FKTN: variants seen among roughly 807,000 people sequenced by gnomAD.
The protein encoded by FKTN is fukutin.
In FKTN, 47 loss-of-function variants were observed where a neutral mutation model predicts 58.6. The observed-to-expected ratio is 0.80, with a 90% CI of 0.63 to 1.02. The LOEUF is 1.02. Among genes scored for constraint, FKTN ranks in the 50% least tolerant of loss-of-function variants. FKTN has a pLI of 0.00. For synonymous variants in FKTN, 178 were observed against 191.9 expected (o/e 0.93, Z 0.60); for missense variants, 516 against 537.3 (o/e 0.96, Z 0.39).
At chr9:105,605,645 A>G (rs981399315) in intron 6 of FKTN, among the ~76,000 whole-genome samples, 4 of 152,142 alleles carry the variant, frequency 2.6e-5, no homozygotes, top group Non-Finnish European at 4.4e-5. Context: ...GCACAGAAAG[A>G]CAAACTTTCC....
intron 3 of FKTN, among the ~76,000 whole-genome samples, chr9:105,576,195 T>C (rs1278143123): frequency 2.0e-5 from 3 of 151,760 alleles, no homozygotes; most frequent in Admixed American, 6.6e-5. Flanking sequence ...ACTTTAAGTT[T>C]TAGGGTACAT....
chr9:105,634,993 G>T, intron 10 of FKTN, 58 bp from the exon 11 acceptor site: 5 of 1,374,358 alleles, frequency 3.6e-6, no homozygotes. Context: ...CTAGCAGCTA[G>T]ATTCCTTAGC....
In FKTN at chr9:105,635,392, G is replaced by C; in HGVS notation, c.*128G>C. Reference sequence around the variant, plus strand: ...AAAATGTGACAAGTTTGAAGACACAGAAAGAGTCATCTGATGTAATTCTCT... The same window carrying C: ...AAAATGTGACAAGTTTGAAGACACACAAAGAGTCATCTGATGTAATTCTCT... On this transcript the variant is annotated 3_prime_UTR_variant, in exon 11 of 11. Coordinates refer to ENST00000357998, the MANE Select transcript of FKTN (RefSeq NM_001079802.2). 6.6e-7 allele frequency: 1 copy of C among 1,517,810 alleles called. No individual in the cohort carries two copies. The highest frequency in any genetic ancestry group is 8.8e-7 in the Non-Finnish European group (1 of 1,135,964). 94.0% of individuals were successfully genotyped at this position (1,517,810 alleles called of 1,614,324 possible).
intron 3 of FKTN, among the ~76,000 whole-genome samples, chr9:105,593,592 G>T (rs763033802): frequency 3.9e-5 from 6 of 152,218 alleles, no homozygotes; most frequent in Non-Finnish European, 7.4e-5. Context: ...CTAAGGAAGT[G>T]AATATAGATT....
intron 1 of FKTN, among the ~76,000 whole-genome samples, chr9:105,565,517 G>A (rs1271059534): frequency 6.6e-6 from 1 of 152,054 alleles, no homozygotes; most frequent in Non-Finnish European, 1.5e-5. Flanking sequence ...TGATAAAACA[G>A]ACTTTAAACC....
intron 1 of FKTN, among the ~76,000 whole-genome samples, chr9:105,563,427 C>T (rs554745162): frequency 1.3e-5 from 2 of 152,298 alleles, no homozygotes; most frequent in East Asian, 1.9e-4. Context: ...ACAAATGGCA[C>T]CTGGAAAATC....
intron 3 of FKTN, among the ~76,000 whole-genome samples, chr9:105,585,091 T>C (rs1843672549): frequency 6.6e-6 from 1 of 151,830 alleles, no homozygotes; most frequent in African/African-American, 2.4e-5. Context: ...CTGTAAGGAA[T>C]ACAAGCAGTT....
intron 1 of FKTN, among the ~76,000 whole-genome samples, chr9:105,559,352 G>T (rs897844625): frequency 6.6e-6 from 1 of 152,184 alleles, no homozygotes; most frequent in Non-Finnish European, 1.5e-5. Flanking sequence ...CTTTCTTCTG[G>T]ACTGGGAGAG....
At chr9:105,574,691 T>A (rs1253560996) in intron 2 of FKTN, among the ~76,000 whole-genome samples, 1 of 152,192 alleles carries the variant, frequency 6.6e-6, no homozygotes, top group East Asian at 1.9e-4. Flanking sequence ...AAAGCACCTC[T>A]CAACCTTGTT....
At chr9:105,627,159 A>T (rs536827151) in intron 10 of FKTN, among the ~76,000 whole-genome samples, 6 of 151,954 alleles carry the variant, frequency 3.9e-5, no homozygotes, top group African/African-American at 1.4e-4. Context: ...TTTAGTAGAG[A>T]TGGGGTTTCA....
intron 1 of FKTN, among the ~76,000 whole-genome samples, chr9:105,558,691 T>C (rs1456053136): frequency 4.0e-5 from 6 of 150,336 alleles, no homozygotes; most frequent in African/African-American, 1.2e-4. Flanking sequence ...CTTTTGAAGA[T>C]AGCACGTTTC....
intron 3 of FKTN, among the ~76,000 whole-genome samples, chr9:105,592,048 T>C (rs1479281755): frequency 1.3e-5 from 2 of 152,284 alleles, no homozygotes; most frequent in Admixed American, 1.3e-4. Context: ...CAAACTATTC[T>C]TCCCTCCTAC....
intron 1 of FKTN, among the ~76,000 whole-genome samples, chr9:105,572,404 G>T (rs909210803): frequency 2.6e-5 from 4 of 152,302 alleles, no homozygotes; most frequent in African/African-American, 9.6e-5. Flanking sequence ...GAGAGAAAGA[G>T]ATGTAATTAC....
chr9:105,618,717 A>T (rs1831273439), intron 9 of FKTN, among the ~76,000 whole-genome samples: 1 of 152,182 alleles, frequency 6.6e-6, no homozygotes, highest in South Asian at 2.1e-4. Flanking sequence ...ATCTCTTGCA[A>T]TCATCTTGTT....
intron 1 of FKTN, among the ~76,000 whole-genome samples, chr9:105,567,778 T>A (rs893519194): frequency 6.6e-6 from 1 of 152,152 alleles, no homozygotes; most frequent in Non-Finnish European, 1.5e-5. Flanking sequence ...CTTCACAGAA[T>A]TGGAAAAAAC....
At chr9:105,631,640 T>C (rs1440517076) in intron 10 of FKTN, among the ~76,000 whole-genome samples, 3 of 151,842 alleles carry the variant, frequency 2.0e-5, no homozygotes, top group Non-Finnish European at 2.9e-5. Flanking sequence ...AAAAAGACAT[T>C]TATGCAGCCA....
At position 105,607,967 on chromosome 9, in the gene FKTN, A is replaced by G. The variant is rs1410291152; in HGVS notation, c.780+16A>G. 2 of 1,604,384 alleles carry G rather than the reference A, an allele frequency of 1.2e-6. No individual in the cohort carries two copies. The highest frequency in any genetic ancestry group is 1.1e-5 in the South Asian group (1 of 90,872). On this transcript the variant is annotated intron_variant, in intron 7 of 10. Transcript: ENST00000357998. ...ATTCTTTCAGGTTAGAGACAACCAA[A>G]TGTGTACTTTTAAATTAAAGAAAAT...
At chr9:105,616,612 A>T (rs1174493367) in intron 8 of FKTN, among the ~76,000 whole-genome samples, 1 of 152,166 alleles carries the variant, frequency 6.6e-6, no homozygotes, top group East Asian at 1.9e-4. Context: ...TCTCTTGATT[A>T]TCATGATAGT....
intron 3 of FKTN, among the ~76,000 whole-genome samples, chr9:105,581,348 G>T (rs1356685020): frequency 6.7e-6 from 1 of 148,528 alleles, no homozygotes; most frequent in Non-Finnish European, 1.5e-5. Flanking sequence ...GGTTTTCGGT[G>T]TGGATGTCCT....
Sources: gnomAD v4.1 joint callset for allele counts (sites outside exome capture counted in the v4.1 genomes callset) on GRCh38, gnomAD v4.1.1 for gene constraint, MANE v1.5 for transcripts, NCBI Gene and HGNC (gene_info 2026-07-23, HGNC 2026-07-21) for gene names.